ZNF207: variants seen among roughly 807,000 people sequenced by gnomAD.
ZNF207 encodes the protein zinc finger protein 207.
ZNF207 carries 24 observed loss-of-function variants against 60.2 expected under a neutral mutation model. The observed-to-expected ratio is 0.40, with a 90% CI of 0.29 to 0.56. The LOEUF (loss-of-function observed/expected upper bound fraction) is 0.56. Among genes scored for constraint, ZNF207 ranks in the 20% least tolerant of loss-of-function variants. The pLI is 0.49. For synonymous variants in ZNF207, 236 were observed against 194.7 expected (o/e 1.21, Z -1.77); for missense variants, 452 against 636.6 (o/e 0.71, Z 3.12).
chr17:32,363,060 T>C (rs1883671523), intron 7 of ZNF207, 76 bp downstream of exon 7: 1 of 1,357,032 alleles, frequency 7.4e-7, no homozygotes. Flanking sequence ...CTGTGGGCAT[T>C]AGTATAATGA....
intron 7 of ZNF207, 78 bp from the exon 8 acceptor site, chr17:32,365,252 A>G: frequency 4.1e-6 from 6 of 1,465,052 alleles, no homozygotes; most frequent in Non-Finnish European, 4.7e-6. Context: ...ATTGTTAATA[A>G]CTTTGTAGTA....
Position 32,369,685 on chromosome 17 carries a change from C to G in ZNF207, c.1411C>G (p.Pro471Ala). ...PYGQGPPMVP[P>A]YQGGPPRPPM... Reference sequence around the variant, plus strand: ...TGGGCAGGGACCGCCAATGGTGCCCCCTTACCAGGGTGGGCCTCCTCGACC... The same window carrying G: ...TGGGCAGGGACCGCCAATGGTGCCCGCTTACCAGGGTGGGCCTCCTCGACC... Residue 471 changes from proline to alanine, a missense_variant, in exon 12 of 12, where the codon CCT (proline) becomes GCT (alanine). Pro to Ala is a conservative substitution (Grantham distance 27). Transcript: ENST00000394670. 1 of 1,598,608 alleles carries G rather than the reference C, an allele frequency of 6.3e-7. No homozygotes were observed. The highest frequency in any genetic ancestry group is 1.3e-5 in the African/African-American group (1 of 74,262).
intron 10 of ZNF207, chr17:32,368,865 C>T (rs1176604295): frequency 3.2e-5 from 5 of 154,968 alleles, no homozygotes; most frequent in South Asian, 3.7e-4. Flanking sequence ...ATTAGCCGGG[C>T]GTGGCGGTGC....
chr17:32,355,305 C>CT lies in ZNF207; in HGVS notation c.169-3196dup, dbSNP rs549986005. Among the ~76,000 whole-genome samples, 45 of 152,312 alleles carry CT rather than the reference C, an allele frequency of 3.0e-4. No individual in the cohort carries two copies. In the South Asian group the frequency reaches 7.3e-3, roughly 25 times the overall value. On this transcript the variant is annotated intron_variant, in intron 2 of 11. Coordinates refer to ENST00000394670, the MANE Select transcript of ZNF207 (RefSeq NM_001098507.2). ...TCAGGAGGCTGAGGCAGGAGGATCG[C>CT]TTGAGCTGGGGAGGACGAGACTGCA... is the stretch of plus-strand genomic sequence containing the variant.
rs1905526142 is a variant in ZNF207 at position 32,372,658 on chromosome 17, G to A, written c.*2899G>A. On this transcript the variant is annotated 3_prime_UTR_variant, in exon 12 of 12. Coordinates refer to ENST00000394670, the MANE Select transcript of ZNF207 (RefSeq NM_001098507.2). ...GGTGTACCCATTTAATATATTTGAA[G>A]TGTAATTTTTGCATGCATCCAAACG... 6.6e-6 allele frequency: 1 copy of A among 152,164 alleles called. No homozygotes were observed. The allele number at this position is 152,164 out of a possible 1,614,324, so 9.4% of individuals were successfully genotyped here.
chr17:32,359,186 T>TA (rs1016068298), intron 3 of ZNF207, among the ~76,000 whole-genome samples: 1 of 151,720 alleles, frequency 6.6e-6, no homozygotes, highest in Non-Finnish European at 1.5e-5. Context: ...GATCTCGGCT[T>TA]ACCACAACCT....
intron 10 of ZNF207, 77 bp from the exon 11 acceptor site, chr17:32,369,218 G>T: frequency 6.6e-7 from 1 of 1,518,548 alleles, no homozygotes. Context: ...AACGTTGTAA[G>T]ATTTTAGATG....
At chr17:32,354,694 G>T (rs1735935958) in intron 2 of ZNF207, among the ~76,000 whole-genome samples, 1 of 151,890 alleles carries the variant, frequency 6.6e-6, no homozygotes, top group Admixed American at 6.6e-5. Flanking sequence ...GCTCACCGCA[G>T]CCTCTGCCCT....
chr17:32,378,055 G>C lies in ZNF207; in HGVS notation c.*8296G>C, dbSNP rs926866854. 6 of 152,544 alleles carry C rather than the reference G, an allele frequency of 3.9e-5. No individual in the cohort carries two copies. In the East Asian group the frequency reaches 1.2e-3, roughly 29 times the overall value. 9.4% of individuals were successfully genotyped at this position (152,544 alleles called of 1,614,324 possible). A position where few individuals can be genotyped will look rare whatever the true frequency, so the allele number is the denominator to read the frequency against. On this transcript the variant is annotated 3_prime_UTR_variant, in exon 12 of 12. Coordinates refer to ENST00000394670, the MANE Select transcript of ZNF207 (RefSeq NM_001098507.2). ...CCATATAACTCACACAAGGAAGAAA[G>C]CTGTGCGGTTACTTAAATGTTAGTA...
At chr17:32,356,464 A>G (rs1904510192) in intron 2 of ZNF207, among the ~76,000 whole-genome samples, 1 of 152,234 alleles carries the variant, frequency 6.6e-6, no homozygotes, top group Non-Finnish European at 1.5e-5. Flanking sequence ...ATAGCTTTTA[A>G]CAATCAGATA....
intron 5 of ZNF207, 95 bp downstream of exon 5, chr17:32,361,062 T>A (rs1174468393): frequency 7.3e-7 from 1 of 1,378,206 alleles, no homozygotes; most frequent in Non-Finnish European, 1.0e-6. Context: ...CTTTCCATTT[T>A]TTGCTTCTAG....
In ZNF207 at chr17:32,367,894, A is replaced by G; in HGVS notation, c.1044A>G (p.Thr348=). 1 of 1,614,196 alleles carries G rather than the reference A, an allele frequency of 6.2e-7. No homozygotes were observed. The highest frequency in any genetic ancestry group is 1.3e-5 in the African/African-American group (1 of 75,048). Residue 348 remains threonine, a synonymous_variant, in exon 10 of 12, where the codon ACA becomes ACG. Coordinates refer to ENST00000394670, the MANE Select transcript of ZNF207 (RefSeq NM_001098507.2). ...CTTATACACAGTCTACAGCTTCAAC[A>G]ACTAGTACAACAAATAGTACTGCAG... The part of the protein sequence containing the change: ...FPAYTQSTAS[T]TSTTNSTAAK...
rs1905565168 is a variant in ZNF207, at chr17:32,373,811, T to C, written c.*4052T>C. Reference sequence around the variant, plus strand: ...TTTTTTACTTTCACTTCTAGGAAAATCTTACTGGTTTTATTTTCTCCATAA... The same window carrying C: ...TTTTTTACTTTCACTTCTAGGAAAACCTTACTGGTTTTATTTTCTCCATAA... On this transcript the variant is annotated 3_prime_UTR_variant, in exon 12 of 12. Coordinates refer to ENST00000394670, the MANE Select transcript of ZNF207 (RefSeq NM_001098507.2). The C allele has an allele frequency of 5.9e-6, 1 of 170,816 alleles. No homozygotes were observed. The highest frequency in any genetic ancestry group is 1.2e-5 in the Non-Finnish European group (1 of 80,700). The allele number at this position is 170,816 out of a possible 1,614,324, so 10.6% of individuals were successfully genotyped here.
At chr17:32,351,603 A>G in intron 1 of ZNF207, 183 bp from the exon 2 acceptor site, 1 of 1,537,688 alleles carries the variant, frequency 6.5e-7, no homozygotes, top group Non-Finnish European at 8.7e-7. Context: ...CTTCTAGGAA[A>G]TTGAAAATAC....
At position 32,369,672 on chromosome 17, in the gene ZNF207, G is replaced by A. The variant is rs1306620482; in HGVS notation, c.1398G>A (p.Pro466=). 7.5e-6 allele frequency: 12 copies of A among 1,598,720 alleles called. No homozygotes were observed. Among genetic ancestry groups the A allele is most frequent in the South Asian group, 2.3e-5 (2 of 88,564 alleles). Residue 466 remains proline (P), a synonymous_variant, in exon 12 of 12, where the codon CCG becomes CCA. Transcript: ENST00000394670. The stretch of plus-strand genomic sequence containing the variant: ...CTATGCCCCCGTATGGGCAGGGACC[G>A]CCAATGGTGCCCCCTTACCAGGGTG... The part of the protein sequence containing the change: ...PGAMPPYGQG[P]PMVPPYQGGP...
rs1905892206 is a variant in ZNF207 at position 32,381,619 on chromosome 17, C to CA, written c.*11861dup. On this transcript the variant is annotated 3_prime_UTR_variant, in exon 12 of 12. Coordinates refer to ENST00000394670, the MANE Select transcript of ZNF207 (RefSeq NM_001098507.2). ...CCATGTAATTAGAACTCACAAGGGG[C>CA]ATTGAAATGTTTTTCTTTTTCAGAT... 1.3e-5 allele frequency: 2 copies of CA among 152,174 alleles called. No homozygotes were observed. Among genetic ancestry groups the CA allele is most frequent in the African/African-American group, 4.8e-5 (2 of 41,446 alleles). 9.4% of individuals were successfully genotyped at this position (152,174 alleles called of 1,614,324 possible). A position where few individuals can be genotyped will look rare whatever the true frequency, so the allele number is the denominator to read the frequency against.
At position 32,373,348 on chromosome 17, in the gene ZNF207, A is replaced by C. The variant is rs1484102934; in HGVS notation, c.*3589A>C. On this transcript the variant is annotated 3_prime_UTR_variant, in exon 12 of 12. Transcript: ENST00000394670. Reference sequence around the variant, plus strand: ...AAAAAAATTTTAATGCATGTCTTTTAAATTAATTGGGAACTGTTTTTCTAA... The same window carrying C: ...AAAAAAATTTTAATGCATGTCTTTTCAATTAATTGGGAACTGTTTTTCTAA... 16 of 658,774 alleles carry C rather than the reference A, an allele frequency of 2.4e-5. No individual in the cohort carries two copies. The East Asian group carries it at 4.3e-4, about 18-fold the overall frequency. 40.8% of individuals were successfully genotyped at this position (658,774 alleles called of 1,614,324 possible).
At chr17:32,355,143 TCAG>T (rs1404130529) in intron 2 of ZNF207, among the ~76,000 whole-genome samples, 1 of 152,132 alleles carries the variant, frequency 6.6e-6, no homozygotes, top group Non-Finnish European at 1.5e-5. Context: ...ACGCCTGTAA[TCAG>T]CACTTTGGTA....
intron 2 of ZNF207, among the ~76,000 whole-genome samples, chr17:32,357,439 C>A (rs972202516): frequency 3.3e-5 from 5 of 150,042 alleles, no homozygotes; most frequent in African/African-American, 7.4e-5. Context: ...ACCTCTGCCT[C>A]CCGTGTTCAA....
Sources: gnomAD v4.1 joint callset for allele counts (sites outside exome capture counted in the v4.1 genomes callset) on GRCh38, gnomAD v4.1.1 for gene constraint, MANE v1.5 for transcripts, NCBI Gene and HGNC (gene_info 2026-07-23, HGNC 2026-07-21) for gene names.